CTNNA3: variants seen among roughly 807,000 people sequenced by gnomAD.
The protein encoded by CTNNA3 is catenin alpha-3.
A neutral mutation model predicts 95.7 loss-of-function variants in CTNNA3; 76 were observed. The ratio of observed to expected loss-of-function variants is 0.79; its 90% CI spans 0.66 to 0.96. CTNNA3 has a LOEUF of 0.96. Among genes scored for constraint, CTNNA3 ranks in the 40% least tolerant of loss-of-function variants. The probability of loss-of-function intolerance (pLI) is 0.00; values close to 1 mark genes in which losing one functional copy is unlikely to be tolerated. For synonymous variants in CTNNA3, 431 were observed against 374.4 expected (o/e 1.15, Z -1.74); for missense variants, 1,191 against 1,089.8 (o/e 1.09, Z -1.31).
intron 11 of CTNNA3, among the ~76,000 whole-genome samples, chr10:66,441,278 G>C (rs1440759706): frequency 6.6e-6 from 1 of 152,108 alleles, no homozygotes; most frequent in Non-Finnish European, 1.5e-5. Context: ...TGTGACAATT[G>C]ACAGAAAAGA....
At chr10:67,429,167 C>T (rs773940256) in intron 5 of CTNNA3, among the ~76,000 whole-genome samples, 4 of 151,914 alleles carry the variant, frequency 2.6e-5, no homozygotes, top group Non-Finnish European at 4.4e-5. Flanking sequence ...TATTAAGTTA[C>T]TTACTAGAAC....
At chr10:66,576,961 C>T (rs1406057470) in intron 10 of CTNNA3, among the ~76,000 whole-genome samples, 5 of 106,634 alleles carry the variant, frequency 4.7e-5, no homozygotes, top group Non-Finnish European at 1.2e-4. Flanking sequence ...AGTGTATAAG[C>T]GTTCCCTTTT....
At chr10:66,903,190 A>G (rs1175846652) in intron 7 of CTNNA3, among the ~76,000 whole-genome samples, 1 of 152,138 alleles carries the variant, frequency 6.6e-6, no homozygotes, top group Non-Finnish European at 1.5e-5. Flanking sequence ...TGATCAAGTC[A>G]GCTTCATCCC....
intron 7 of CTNNA3, chr10:66,928,182 G>C (rs1239177849): frequency 6.2e-7 from 1 of 1,614,066 alleles, no homozygotes; most frequent in East Asian, 2.2e-5. Flanking sequence ...AAATCATCGC[G>C]GGCAGCGTGG....
At chr10:66,428,640 C>T (rs1379701739) in intron 11 of CTNNA3, among the ~76,000 whole-genome samples, 2 of 139,834 alleles carry the variant, frequency 1.4e-5, no homozygotes, top group South Asian at 5.1e-4. Flanking sequence ...GAACAACCTG[C>T]TCCTGAATGA....
intron 17 of CTNNA3, among the ~76,000 whole-genome samples, chr10:65,955,334 CAG>C (rs913246457): frequency 1.3e-5 from 2 of 152,152 alleles, no homozygotes; most frequent in African/African-American, 4.8e-5. Context: ...CATCTGCAAA[CAG>C]GGACAATTTG....
At chr10:66,701,398 G>T (rs1216994883) in intron 9 of CTNNA3, among the ~76,000 whole-genome samples, 2 of 152,066 alleles carry the variant, frequency 1.3e-5, no homozygotes, top group Non-Finnish European at 2.9e-5. Flanking sequence ...AATGAATGTT[G>T]GGATTTTGAT....
At chr10:67,539,414 C>T (rs1840590875) in intron 4 of CTNNA3, 89 bp downstream of exon 4, 8 of 1,405,596 alleles carry the variant, frequency 5.7e-6, no homozygotes, top group Non-Finnish European at 6.9e-6. Flanking sequence ...GAGAGTGAAG[C>T]CAAGATGCAC....
chr10:67,747,376 T>C (rs1257642331), intron 1 of CTNNA3, among the ~76,000 whole-genome samples: 1 of 152,174 alleles, frequency 6.6e-6, no homozygotes, highest in Non-Finnish European at 1.5e-5. Context: ...ATCATGTCAG[T>C]GACCCTTTAG....
intron 7 of CTNNA3, among the ~76,000 whole-genome samples, chr10:66,886,372 G>A (rs961693666): frequency 6.6e-6 from 1 of 152,040 alleles, no homozygotes; most frequent in African/African-American, 2.4e-5. Flanking sequence ...TGGTCCTGTG[G>A]TTTTGTATTC....
chr10:67,105,250 T>TAGATAGATAGATAGAC (rs2131955792), intron 7 of CTNNA3, among the ~76,000 whole-genome samples: 1 of 152,062 alleles, frequency 6.6e-6, no homozygotes, highest in African/African-American at 2.4e-5. Flanking sequence ...GATAGATAGA[T>TAGATAGATAGATAGAC]AGATAGATAG....
intron 11 of CTNNA3, among the ~76,000 whole-genome samples, chr10:66,380,623 ATC>A (rs1412994792): frequency 0.013 from 1,395 of 103,914 alleles, 26 homozygotes; most frequent in African/African-American, 0.057. Flanking sequence ...CTATCTATCT[ATC>A]TATATATATA....
At chr10:66,263,024 T>C (rs139499399) in intron 13 of CTNNA3, among the ~76,000 whole-genome samples, 9 of 152,050 alleles carry the variant, frequency 5.9e-5, no homozygotes, top group African/African-American at 1.7e-4. Context: ...CTCAAAGTGA[T>C]TTGAAACTAT....
chr10:65,928,358 C>A (rs1177912861), intron 17 of CTNNA3, among the ~76,000 whole-genome samples: 1 of 152,118 alleles, frequency 6.6e-6, no homozygotes, highest in Non-Finnish European at 1.5e-5. Flanking sequence ...CAGCATCATA[C>A]TATGACGCTA....
chr10:66,643,406 C>A (rs1845583640), intron 9 of CTNNA3, among the ~76,000 whole-genome samples: 1 of 152,102 alleles, frequency 6.6e-6, no homozygotes, highest in Admixed American at 6.5e-5. Flanking sequence ...ATAAAATCTA[C>A]TCCCTGTCAA....
intron 7 of CTNNA3, among the ~76,000 whole-genome samples, chr10:67,092,675 A>G (rs1397415763): frequency 6.6e-6 from 1 of 151,988 alleles, no homozygotes; most frequent in Non-Finnish European, 1.5e-5. Flanking sequence ...ACAAACTCAA[A>G]TATTACATAT....
intron 9 of CTNNA3, among the ~76,000 whole-genome samples, chr10:66,645,706 T>A (rs1190483252): frequency 6.6e-6 from 1 of 152,092 alleles, no homozygotes; most frequent in Non-Finnish European, 1.5e-5. Flanking sequence ...TCATACGAGC[T>A]CCAACCCTAT....
chr10:67,694,758 G>GA (rs1005618794), intron 1 of CTNNA3, among the ~76,000 whole-genome samples: 14 of 149,026 alleles, frequency 9.4e-5, no homozygotes, highest in African/African-American at 2.0e-4. Context: ...AAGCCATCTA[G>GA]AAAAAAAAAG....
intron 12 of CTNNA3, among the ~76,000 whole-genome samples, chr10:66,282,606 T>C (rs2091513014): frequency 6.6e-6 from 1 of 151,828 alleles, no homozygotes; most frequent in East Asian, 1.9e-4. Flanking sequence ...CCACTGTCTC[T>C]ATTCATCATC....
Sources: gnomAD v4.1 joint callset for allele counts (sites outside exome capture counted in the v4.1 genomes callset) on GRCh38, gnomAD v4.1.1 for gene constraint, MANE v1.5 for transcripts, NCBI Gene and HGNC (gene_info 2026-07-23, HGNC 2026-07-21) for gene names.